Variants in B3GLCT observed in about 807,000 individuals in gnomAD.
B3GLCT encodes beta-1,3-glucosyltransferase.
Under a neutral mutation model 63.4 loss-of-function variants are expected in B3GLCT, and 65 were observed. The observed-to-expected ratio is 1.03, with a 90% CI of 0.84 to 1.26. B3GLCT has a LOEUF of 1.26. B3GLCT is among the 50% of genes most tolerant of loss of function. B3GLCT has a pLI of 0.00. For synonymous variants in B3GLCT, 233 were observed against 219.2 expected, an observed-to-expected ratio of 1.06 and a Z score of -0.55; for missense variants, 577 against 604.8, an observed-to-expected ratio of 0.95 and a Z score of 0.48.
At chr13:31,289,619 GAA>G (rs58718938) in intron 12 of B3GLCT, among the ~76,000 whole-genome samples, 12 of 150,296 alleles carry the variant, frequency 8.0e-5, no homozygotes, top group South Asian at 4.2e-4. Context: ...CGTGCTAAAA[GAA>G]AAAAAAAAAG....
chr13:31,285,847 A>G lies in B3GLCT; in HGVS notation c.965-873A>G, dbSNP rs116636038. On this transcript the variant is annotated intron_variant, in intron 11 of 14. Transcript: ENST00000343307. Reference sequence around the variant, plus strand: ...GGGTTTAATAATCATGTATTTACTTATACCTTATTTGATGTCTTCATTACT... The same window carrying G: ...GGGTTTAATAATCATGTATTTACTTGTACCTTATTTGATGTCTTCATTACT... 5.5e-3 allele frequency among the ~76,000 whole-genome samples: 834 copies of G among 152,246 alleles called. 11 individuals carry two copies. Among genetic ancestry groups the G allele is most frequent in the African/African-American group, 0.019 (801 of 41,550 alleles).
At chr13:31,323,677 C>G (rs1241571853) in intron 13 of B3GLCT, 74 bp from the exon 14 acceptor site, 1 of 1,567,058 alleles carries the variant, frequency 6.4e-7, no homozygotes, top group African/African-American at 1.4e-5. Flanking sequence ...AGTCCTGTTT[C>G]CCGGGGCCCA....
intron 1 of B3GLCT, among the ~76,000 whole-genome samples, chr13:31,209,100 T>G (rs138889349): frequency 1.3e-5 from 2 of 152,266 alleles, no homozygotes; most frequent in Non-Finnish European, 2.9e-5. Context: ...CGATGCCCCT[T>G]AAAAAACGTA....
chr13:31,316,555 G>A (rs1875043018), intron 12 of B3GLCT, among the ~76,000 whole-genome samples: 1 of 150,920 alleles, frequency 6.6e-6, no homozygotes, highest in African/African-American at 2.4e-5. Context: ...TTTTGCACTT[G>A]CATGGGGCCT....
chr13:31,275,534 C>G (rs1381435646), intron 9 of B3GLCT, among the ~76,000 whole-genome samples: 1 of 152,184 alleles, frequency 6.6e-6, no homozygotes, highest in Non-Finnish European at 1.5e-5. Context: ...AGCCCGCACC[C>G]TTTACTCTTT....
Position 31,329,877 on chromosome 13 carries a change from G to A in B3GLCT, c.*209G>A. 1.7e-6 allele frequency: 1 copy of A among 591,812 alleles called. No homozygotes were observed. The allele number at this position is 591,812 out of a possible 1,614,324, so 36.7% of individuals were successfully genotyped here. A position where few individuals can be genotyped will look rare whatever the true frequency, so the allele number is the denominator to read the frequency against. On this transcript the variant is annotated 3_prime_UTR_variant, in exon 15 of 15. Transcript: ENST00000343307. ...TTTTTTTTTCTGGGAAAAATCACTT[G>A]CTTTTGACTTATGCAGTTGTTTTAA...
chr13:31,261,220 A>G, intron 7 of B3GLCT, 138 bp downstream of exon 7: 2 of 965,166 alleles, frequency 2.1e-6, no homozygotes, highest in Non-Finnish European at 3.1e-6. Flanking sequence ...AGATCTGGAA[A>G]AGGAGCCAGA....
intron 3 of B3GLCT, among the ~76,000 whole-genome samples, chr13:31,223,616 GT>G (rs1289470974): frequency 6.6e-6 from 1 of 152,140 alleles, no homozygotes; most frequent in Non-Finnish European, 1.5e-5. Context: ...GTGACCAGGA[GT>G]TAGACTTTAA....
At chr13:31,200,306 G>T in intron 1 of B3GLCT, 152 bp downstream of exon 1, 1 of 263,822 alleles carries the variant, frequency 3.8e-6, no homozygotes, top group Non-Finnish European at 5.8e-6. Context: ...CCGCCGCGCC[G>T]CGCCGTCAGC....
At chr13:31,266,934 CTAATTTTTGTATTTT>C (rs1872352160) in intron 7 of B3GLCT, among the ~76,000 whole-genome samples, 1 of 152,010 alleles carries the variant, frequency 6.6e-6, no homozygotes, top group Non-Finnish European at 1.5e-5. Flanking sequence ...CCATGCTTGA[CTAATTTTTGTATTTT>C]TAGTAGAGAC....
chr13:31,261,128 T>G, intron 7 of B3GLCT, 46 bp downstream of exon 7: 1 of 1,573,614 alleles, frequency 6.4e-7, no homozygotes, highest in South Asian at 1.1e-5. Flanking sequence ...GGGGTGTGCA[T>G]CAACTTTAAT....
At chr13:31,272,218 CTT>C (rs11433454) in intron 8 of B3GLCT, among the ~76,000 whole-genome samples, 8 of 136,230 alleles carry the variant, frequency 5.9e-5, no homozygotes, top group Admixed American at 7.5e-5. Flanking sequence ...TCTATTTTTC[CTT>C]TTTTTTTTTT....
rs201584510 is a variant in B3GLCT, at chr13:31,215,050, G to T, written c.71-1G>T. Reference sequence around the variant, plus strand: ...AATATTTCTTTTTTTTTTTTTTCCAGCTTTTGGTTTGGCTTCTGAAGATAC... The same window carrying T: ...AATATTTCTTTTTTTTTTTTTTCCATCTTTTGGTTTGGCTTCTGAAGATAC... On this transcript the variant is annotated splice_acceptor_variant, in intron 1 of 14. Transcript: ENST00000343307. LOFTEE classifies it high-confidence loss of function. 1.6e-4 allele frequency: 253 copies of T among 1,587,776 alleles called. No individual in the cohort carries two copies. Among genetic ancestry groups the T allele is most frequent in the African/African-American group, 1.4e-5 (1 of 72,284 alleles).
intron 12 of B3GLCT, among the ~76,000 whole-genome samples, chr13:31,308,347 T>TTAAAAA (rs1450252463): frequency 5.5e-4 from 13 of 23,676 alleles, no homozygotes; most frequent in East Asian, 1.5e-3. Flanking sequence ...AAAAAAAAAT[T>TTAAAAA]AAAAAAAAAA....
At chr13:31,310,555 G>C (rs1474817781) in intron 12 of B3GLCT, among the ~76,000 whole-genome samples, 1 of 152,176 alleles carries the variant, frequency 6.6e-6, no homozygotes, top group Non-Finnish European at 1.5e-5. Flanking sequence ...CCCTTTGCTG[G>C]TGCTGGGCAG....
At chr13:31,205,417 C>T (rs1291804504) in intron 1 of B3GLCT, among the ~76,000 whole-genome samples, 2 of 151,624 alleles carry the variant, frequency 1.3e-5, no homozygotes, top group Non-Finnish European at 2.9e-5. Flanking sequence ...AAATTACCCG[C>T]GCATGGTGGC....
intron 6 of B3GLCT, among the ~76,000 whole-genome samples, chr13:31,254,967 G>A (rs1485349552): frequency 6.6e-6 from 1 of 151,230 alleles, no homozygotes; most frequent in Non-Finnish European, 1.5e-5. Flanking sequence ...AAGCCGGGAG[G>A]CGGAGGTTGC....
At chr13:31,239,003 G>A (rs1870796092) in intron 4 of B3GLCT, among the ~76,000 whole-genome samples, 1 of 152,202 alleles carries the variant, frequency 6.6e-6, no homozygotes, top group African/African-American at 2.4e-5. Context: ...AAATCACTCA[G>A]GAAAGACAGG....
At position 31,317,817 on chromosome 13, in the gene B3GLCT, G is replaced by A. The variant is rs1047069714; in HGVS notation, c.1184+132G>A. The stretch of plus-strand genomic sequence containing the variant: ...TGAATGGTGGTTGTTACTATAATAG[G>A]AAAGTGAACATTATATTTGCTAAAT... On this transcript the variant is annotated intron_variant, in intron 13 of 14. Coordinates refer to ENST00000343307, the MANE Select transcript of B3GLCT (RefSeq NM_194318.4). 6.1e-5 allele frequency: 65 copies of A among 1,070,788 alleles called. No individual in the cohort carries two copies. In the South Asian group the frequency reaches 8.0e-4, roughly 13 times the overall value. The allele number at this position is 1,070,788 out of a possible 1,614,324, so 66.3% of individuals were successfully genotyped here.
Sources: gnomAD v4.1 joint callset for allele counts (sites outside exome capture counted in the v4.1 genomes callset) on GRCh38, gnomAD v4.1.1 for gene constraint, MANE v1.5 for transcripts, NCBI Gene and HGNC (gene_info 2026-07-23, HGNC 2026-07-21) for gene names.